Variants in GALNT16 observed in about 807,000 individuals in gnomAD.
GALNT16 encodes polypeptide N-acetylgalactosaminyltransferase 16, also known as UDP-GalNAc:polypeptide N-acetylgalactosaminyltransferase-like protein 1.
A neutral mutation model predicts 76.1 loss-of-function variants in GALNT16; 40 were observed. The ratio of observed to expected loss-of-function variants is 0.53; its 90% confidence interval spans 0.41 to 0.68. The LOEUF (loss-of-function observed/expected upper bound fraction) is 0.68, where lower values mean the gene tolerates loss of function less well. GALNT16 is among the 30% of genes least tolerant of loss of function. The pLI is 0.00. For synonymous variants in GALNT16, 276 were observed against 285.2 expected, an observed-to-expected ratio of 0.97 and a Z score of 0.32; for missense variants, 621 against 731.9, an observed-to-expected ratio of 0.85 and a Z score of 1.75.
At chr14:69,350,936 A>G (rs1445234897) in intron 14 of GALNT16, 1 of 152,320 alleles carries the variant, frequency 6.6e-6, no homozygotes, top group Non-Finnish European at 1.5e-5. Context: ...AAATGTTCCA[A>G]GCAACACTCC....
chr14:69,367,644 C>CA, the GALNT16 span, among the ~76,000 whole-genome samples: 3,034 of 63,426 alleles, frequency 0.048, 40 homozygotes, highest in African/African-American at 0.088. Flanking sequence ...CTGTGCAAGG[C>CA]AAAAAAAAAA....
At chr14:69,322,964 GTGTGTGTGTGTGTGTGTGCGCGCGCA>G (rs2045216079) in intron 2 of GALNT16, among the ~76,000 whole-genome samples, 4 of 73,046 alleles carry the variant, frequency 5.5e-5, no homozygotes, top group South Asian at 1.3e-3. Context: ...GTGTGTGTGT[GTGTGTGTGTGTGTGTGTGCGCGCGCA>G]CGCGCGCACG....
At position 69,261,537 on chromosome 14, in the gene GALNT16, G is replaced by A. The variant is rs963069097; in HGVS notation, c.177+1070G>A. 6.6e-6 allele frequency among the ~76,000 whole-genome samples: 1 copy of A among 151,848 alleles called. No individual in the cohort carries two copies. The highest frequency in any genetic ancestry group is 2.1e-4 in the South Asian group (1 of 4,800). ...GAGAGCCGAGTGGGGCGGGGGTAAA[G>A]GAGTGAGGAAGCGTGGCGATTCCGA... On this transcript the variant is annotated intron_variant, in intron 1 of 14. Transcript: ENST00000448469. The surrounding 1 kb of genome is among the most constrained non-coding windows in gnomAD (Gnocchi z 6.4).
At chr14:69,325,497 C>T in intron 4 of GALNT16, 93 bp downstream of exon 4, 2 of 804,384 alleles carry the variant, frequency 2.5e-6, no homozygotes, top group South Asian at 1.3e-5. Flanking sequence ...GTTGTCCTGA[C>T]CATCGCAGAC....
intron 7 of GALNT16, 41 bp downstream of exon 7, chr14:69,331,592 G>A (rs2045353823): frequency 8.7e-7 from 1 of 1,145,184 alleles, no homozygotes; most frequent in East Asian, 2.3e-5. Flanking sequence ...GACATGAAAG[G>A]AGGTAGGTGA....
In GALNT16 at chr14:69,280,767, T is replaced by G. The variant is rs372682474; in HGVS notation, c.177+20300T>G. 3.2e-4 allele frequency among the ~76,000 whole-genome samples: 48 copies of G among 152,018 alleles called. No homozygotes were observed. The South Asian group carries it at 0.01, about 32-fold the overall frequency. ...CCAAGGTCCCAGAGTTGGTGGCAGA[T>G]TGGGGGAACATCCAGATTCGAATCC... On this transcript the variant is annotated intron_variant, in intron 1 of 14. Coordinates refer to ENST00000448469, the MANE Select transcript of GALNT16 (RefSeq NM_001168368.2).
At chr14:69,284,410 C>T (rs1441406720) in intron 1 of GALNT16, among the ~76,000 whole-genome samples, 1 of 152,188 alleles carries the variant, frequency 6.6e-6, no homozygotes, top group Admixed American at 6.5e-5. Context: ...GTTAACTCAC[C>T]CCGTGTGGCG....
At chr14:69,302,175 T>G (rs544320208) in intron 1 of GALNT16, among the ~76,000 whole-genome samples, 1 of 152,338 alleles carries the variant, frequency 6.6e-6, no homozygotes, top group South Asian at 2.1e-4. Context: ...GTTAAAGTAT[T>G]AGTGTCATCT....
Position 69,347,251 on chromosome 14 carries a change from T to G in GALNT16, c.1413+70T>G. On this transcript the variant is annotated intron_variant, in intron 13 of 14. Coordinates refer to ENST00000448469, the MANE Select transcript of GALNT16 (RefSeq NM_001168368.2). Reference sequence around the variant, plus strand: ...ATTGTCCAGGAGTGGGGTGAGGGACTTCCCCCTACTCATTCTCCTCCTCTG... The same window carrying G: ...ATTGTCCAGGAGTGGGGTGAGGGACGTCCCCCTACTCATTCTCCTCCTCTG... 3.6e-6 allele frequency: 5 copies of G among 1,401,890 alleles called. 1 individual carries two copies. The South Asian group carries it at 5.6e-5, about 16-fold the overall frequency. The allele number at this position is 1,401,890 out of a possible 1,614,324, so 86.8% of individuals were successfully genotyped here.
the GALNT16 span, among the ~76,000 whole-genome samples, chr14:69,383,096 C>T: frequency 6.6e-6 from 1 of 152,066 alleles, no homozygotes; most frequent in East Asian, 1.9e-4. Flanking sequence ...TGTCTCTAAG[C>T]AAACAAGAAA....
At chr14:69,320,632 G>A (rs886818875) in intron 1 of GALNT16, 79 bp from the exon 2 acceptor site, 66 of 1,382,616 alleles carry the variant, frequency 4.8e-5, no homozygotes, top group Middle Eastern at 2.5e-4. Context: ...GCTGGCTCCC[G>A]CCTGGTGTGT....
chr14:69,295,717 C>T (rs2044751309), intron 1 of GALNT16, among the ~76,000 whole-genome samples: 1 of 152,000 alleles, frequency 6.6e-6, no homozygotes, highest in African/African-American at 2.4e-5. Flanking sequence ...GAGACTCCAT[C>T]TCAAAAAAAA....
intron 3 of GALNT16, 62 bp downstream of exon 3, chr14:69,324,852 G>T (rs2045258527): frequency 8.9e-7 from 1 of 1,124,670 alleles, no homozygotes; most frequent in Admixed American, 2.4e-5. Flanking sequence ...TTGGGATTGG[G>T]CGCTGTGGCC....
chr14:69,317,642 G>T (rs890352691), intron 1 of GALNT16, among the ~76,000 whole-genome samples: 6 of 152,218 alleles, frequency 3.9e-5, no homozygotes, highest in African/African-American at 1.4e-4. Context: ...ATTGAATCAG[G>T]CTATGGAGCA....
chr14:69,291,807 G>T (rs1376396297), intron 1 of GALNT16, among the ~76,000 whole-genome samples: 2 of 152,244 alleles, frequency 1.3e-5, no homozygotes, highest in East Asian at 3.8e-4. Context: ...AATGCTCACA[G>T]GCTTATAAGA....
At chr14:69,306,443 C>T (rs952330430) in intron 1 of GALNT16, among the ~76,000 whole-genome samples, 1 of 152,142 alleles carries the variant, frequency 6.6e-6, no homozygotes, top group Non-Finnish European at 1.5e-5. Context: ...AGTTTATACT[C>T]CCACTAATAA....
At chr14:69,344,473 A>G (rs2140196317) in intron 12 of GALNT16, among the ~76,000 whole-genome samples, 1 of 152,316 alleles carries the variant, frequency 6.6e-6, no homozygotes, top group South Asian at 2.1e-4. Flanking sequence ...CATAGAAGAG[A>G]CCCATAGAGA....
At chr14:69,327,450 G>A (rs562079996) in intron 5 of GALNT16, among the ~76,000 whole-genome samples, 3 of 152,248 alleles carry the variant, frequency 2.0e-5, no homozygotes, top group Admixed American at 6.5e-5. Flanking sequence ...GGAAGTGGCC[G>A]AAGTTAAATC....
chr14:69,309,348 G>A (rs1047600010), intron 1 of GALNT16, among the ~76,000 whole-genome samples: 11 of 150,636 alleles, frequency 7.3e-5, no homozygotes, highest in Admixed American at 6.0e-4. Context: ...TGTCACCCAA[G>A]CTGGAGTGCA....
Sources: allele counts gnomAD v4.1 joint callset (sites outside exome capture counted in the v4.1 genomes callset), GRCh38; gene constraint gnomAD v4.1.1; non-coding constraint Gnocchi (gnomAD v3.1); transcripts MANE v1.5; gene names NCBI Gene and HGNC (gene_info 2026-07-23, HGNC 2026-07-21).